ADCY7: variants seen among roughly 807,000 people sequenced by gnomAD.
ADCY7 encodes adenylate cyclase type 7.
In ADCY7, 72 loss-of-function variants were observed where a neutral mutation model predicts 120.6. That is an observed-to-expected ratio of 0.60 (90% CI 0.49 to 0.73). ADCY7 has a LOEUF of 0.73. ADCY7 is among the 30% of genes least tolerant of loss of function. The pLI is 0.00. For missense variants in ADCY7, 1,227 were observed against 1,486.0 expected (o/e 0.83, Z 2.87); for synonymous variants, 661 against 628.0 (o/e 1.05, Z -0.78).
intron 1 of ADCY7, among the ~76,000 whole-genome samples, chr16:50,271,337 G>A (rs898679855): frequency 6.6e-6 from 1 of 152,132 alleles, no homozygotes; most frequent in African/African-American, 2.4e-5. Flanking sequence ...GACCTCCTGG[G>A]CTCAAGAGAG....
rs748069493 is a variant in ADCY7 at position 50,305,636 on chromosome 16, G to A, written c.1679+50G>A. 4.5e-6 allele frequency: 7 copies of A among 1,559,156 alleles called. No homozygotes were observed. In the South Asian group the frequency reaches 8.2e-5, roughly 18 times the overall value. ...CCCCCTCTCCTCTCCCCCTCGGATA[G>A]GGGTCCCCTATATGGGCAGGCCCAT... On this transcript the variant is annotated intron_variant, in intron 13 of 25. Transcript: ENST00000673801.
intron 1 of ADCY7, among the ~76,000 whole-genome samples, chr16:50,253,384 G>A (rs567997743): frequency 6.6e-6 from 1 of 152,216 alleles, no homozygotes; most frequent in East Asian, 1.9e-4. Context: ...CTGAGTAGCT[G>A]GGATTTACAG....
At position 50,268,616 on chromosome 16, in the gene ADCY7, C is replaced by T. The variant is rs76685830; in HGVS notation, c.-269+1936C>T. ...CAGCTGTTTACTAGCAGCTGTTTTCCGGGTGATGAGGGTGAAGGTGGTATT... is the reference window on the plus strand; with the variant it reads ...CAGCTGTTTACTAGCAGCTGTTTTCTGGGTGATGAGGGTGAAGGTGGTATT... On this transcript the variant is annotated intron_variant, in intron 1 of 25. Coordinates refer to ENST00000673801, the MANE Select transcript of ADCY7 (RefSeq NM_001114.5). Among the ~76,000 whole-genome samples the T allele has an allele frequency of 2.5e-3, 373 of 152,212 alleles. 1 individual carries two copies. The highest frequency in any genetic ancestry group is 8.4e-3 in the African/African-American group (350 of 41,492).
At chr16:50,285,044 A>G (rs1312848512) in intron 1 of ADCY7, among the ~76,000 whole-genome samples, 1 of 152,254 alleles carries the variant, frequency 6.6e-6, no homozygotes, top group Admixed American at 6.5e-5. Context: ...TATGGTTAGC[A>G]CACAGTAAAT....
intron 1 of ADCY7, among the ~76,000 whole-genome samples, chr16:50,251,958 C>CGAG (rs879444933): frequency 9.2e-5 from 14 of 152,180 alleles, no homozygotes; most frequent in African/African-American, 2.2e-4. Context: ...GGGCTTCAGG[C>CGAG]GAGGAGGAAG....
rs1012317365 is a variant in ADCY7 at position 50,308,875 on chromosome 16, C to G, written c.2061+83C>G. On this transcript the variant is annotated intron_variant, in intron 17 of 25. Coordinates refer to ENST00000673801, the MANE Select transcript of ADCY7 (RefSeq NM_001114.5). ...GACGCCTACAATGTGGCCTTAAAAG[C>G]TGCCTCTGGTTGTCCTCTCCCCCGA... 13 of 1,489,444 alleles carry G rather than the reference C, an allele frequency of 8.7e-6. No homozygotes were observed. The African/African-American group carries it at 1.3e-4, about 14-fold the overall frequency. The allele number at this position is 1,489,444 out of a possible 1,614,324, so 92.3% of individuals were successfully genotyped here. A position where few individuals can be genotyped will look rare whatever the true frequency, so the allele number is the denominator to read the frequency against.
intron 24 of ADCY7, 186 bp from the exon 25 acceptor site, chr16:50,314,828 C>T (rs934493901): frequency 6.2e-5 from 41 of 661,218 alleles, no homozygotes; most frequent in East Asian, 5.8e-4. Context: ...AAGAGCTGGC[C>T]GGGGAATGCC....
intron 1 of ADCY7, among the ~76,000 whole-genome samples, chr16:50,253,336 C>T (rs964612792): frequency 4.6e-5 from 7 of 152,086 alleles, no homozygotes; most frequent in East Asian, 1.9e-4. Context: ...CTGCAGCCTC[C>T]GCCTCCTGGG....
intron 1 of ADCY7, among the ~76,000 whole-genome samples, chr16:50,259,809 G>A (rs1423516767): frequency 6.6e-6 from 1 of 152,202 alleles, no homozygotes; most frequent in Non-Finnish European, 1.5e-5. Flanking sequence ...GACCACCACT[G>A]ATTAGGGGTC....
intron 18 of ADCY7, 83 bp downstream of exon 18, chr16:50,309,729 T>C (rs769662263): frequency 1.8e-5 from 22 of 1,248,040 alleles, no homozygotes; most frequent in Non-Finnish European, 2.2e-5. Flanking sequence ...CCTCAAAGCA[T>C]GGGTGCTGAC....
intron 7 of ADCY7, among the ~76,000 whole-genome samples, chr16:50,298,517 C>T (rs886123711): frequency 3.9e-5 from 6 of 152,206 alleles, no homozygotes; most frequent in Admixed American, 2.0e-4. Context: ...AGTGCCCACC[C>T]CTCCTGCCTA....
In ADCY7 at chr16:50,312,038, T is replaced by C; in HGVS notation, c.2451T>C (p.Ile817=). ...GCTTATGTTGCTGCCGTTTGCAGAT[T>C]GACTATTACTGCCGCTTGGACTGCC... is the stretch of plus-strand genomic sequence containing the variant. ...YITLLTLSRQ[I]DYYCRLDCLW... Residue 817 remains isoleucine (I), a splice_region_variant and synonymous_variant, in exon 21 of 26, where the codon ATT becomes ATC. Transcript: ENST00000673801. The C allele has an allele frequency of 6.2e-7, 1 of 1,614,120 alleles. No homozygotes were observed. The highest frequency in any genetic ancestry group is 8.5e-7 in the Non-Finnish European group (1 of 1,179,962).
intron 1 of ADCY7, among the ~76,000 whole-genome samples, chr16:50,280,200 T>C (rs1211963635): frequency 6.6e-6 from 1 of 152,148 alleles, no homozygotes; most frequent in Non-Finnish European, 1.5e-5. Flanking sequence ...TATCCATCTC[T>C]TAGGTTTTCT....
intron 7 of ADCY7, among the ~76,000 whole-genome samples, chr16:50,296,126 C>T (rs2035333858): frequency 6.6e-6 from 1 of 152,162 alleles, no homozygotes; most frequent in African/African-American, 2.4e-5. Flanking sequence ...AATCATGGCT[C>T]ACAGCAGCCT....
chr16:50,290,002 C>T (rs1160268899), intron 2 of ADCY7, among the ~76,000 whole-genome samples: 2 of 152,246 alleles, frequency 1.3e-5, no homozygotes, highest in Non-Finnish European at 2.9e-5. Context: ...TGTGCCATTG[C>T]CTCAGCTCCT....
Position 50,290,587 on chromosome 16 carries a change from G to A in ADCY7, c.302G>A (p.Trp101Ter). ...CTCAGGGCCTTGGCGCTGCTCACCT[G>A]GGCCTGCTTGGTGGCGCTGGGCTAT... ...RWLRALALLT[W>*]ACLVALGYVL... The change falls in exon 3 of 26, where the codon TGG becomes TAG. Residue 101 changes from tryptophan to a stop codon, truncating the protein, a stop_gained. Transcript: ENST00000673801. LOFTEE classifies it high-confidence loss of function. The A allele has an allele frequency of 6.2e-7, 1 of 1,614,182 alleles. No homozygotes were observed. Among genetic ancestry groups the A allele is most frequent in the Non-Finnish European group, 8.5e-7 (1 of 1,180,032 alleles).
intron 11 of ADCY7, 102 bp downstream of exon 11, chr16:50,304,653 C>T (rs911708921): frequency 2.4e-5 from 31 of 1,271,610 alleles, no homozygotes; most frequent in Non-Finnish European, 3.2e-5. Context: ...TCACTGTCCC[C>T]ATCTGTAAAA....
In ADCY7 at chr16:50,309,549, C is replaced by T. The variant is rs1349291713; in HGVS notation, c.2063C>T (p.Pro688Leu). ...SLLTVAIINL[P>L]LMPFQVPELP... ...GATGGGGACCTGTCTCCTCTACAGCCCCTGATGCCTTTCCAAGTTCCAGAG... is the reference window on the plus strand; with the variant it reads ...GATGGGGACCTGTCTCCTCTACAGCTCCTGATGCCTTTCCAAGTTCCAGAG... Residue 688 changes from proline (P) to leucine (L), a missense_variant and splice_region_variant, in exon 18 of 26, where the codon CCC becomes CTC. Physicochemically the swap from Pro to Leu is moderately conservative, Grantham distance 98 (BLOSUM62 -3). Transcript: ENST00000673801. 3 of 1,613,870 alleles carry T rather than the reference C, an allele frequency of 1.9e-6. No individual in the cohort carries two copies. Among genetic ancestry groups the T allele is most frequent in the African/African-American group, 1.3e-5 (1 of 75,044 alleles).
intron 14 of ADCY7, among the ~76,000 whole-genome samples, chr16:50,306,789 G>A (rs895802230): frequency 2.0e-5 from 3 of 152,178 alleles, no homozygotes; most frequent in African/African-American, 7.2e-5. Flanking sequence ...CTTACCAAGT[G>A]TAACATCACC....
Sources: gnomAD v4.1 joint callset for allele counts (sites outside exome capture counted in the v4.1 genomes callset) on GRCh38, gnomAD v4.1.1 for gene constraint, MANE v1.5 for transcripts, NCBI Gene and HGNC (gene_info 2026-07-23, HGNC 2026-07-21) for gene names.